The following MCU variants were observed in gnomAD, a reference collection of about 807,000 sequenced individuals.
MCU encodes mitochondrial calcium uniporter, also known as calcium uniporter protein, mitochondrial.
Under a neutral mutation model 45.2 loss-of-function variants are expected in MCU, and 12 were observed. The observed-to-expected ratio is 0.27, with a 90% CI of 0.17 to 0.43. MCU has a LOEUF of 0.43. Among genes scored for constraint, MCU ranks in the 20% least tolerant of loss-of-function variants. MCU has a pLI of 1.00. For missense variants in MCU, 324 were observed against 436.7 expected, an observed-to-expected ratio of 0.74 and a Z score of 2.30; for synonymous variants, 160 against 165.1, an observed-to-expected ratio of 0.97 and a Z score of 0.24.
intron 1 of MCU, among the ~76,000 whole-genome samples, chr10:72,805,163 C>CTTTCTG (rs1187966928): frequency 8.2e-4 from 111 of 134,680 alleles, no homozygotes; most frequent in Admixed American, 7.3e-3. Flanking sequence ...TTCTTTCTGT[C>CTTTCTG]TCTCTCTCTC....
intron 2 of MCU, among the ~76,000 whole-genome samples, chr10:72,843,862 T>C (rs1042051744): frequency 6.6e-6 from 1 of 152,220 alleles, no homozygotes; most frequent in Non-Finnish European, 1.5e-5. Flanking sequence ...ATTTTTCTTC[T>C]CTTGACATTT....
intron 1 of MCU, among the ~76,000 whole-genome samples, chr10:72,802,428 G>C (rs1052583380): frequency 7.7e-6 from 1 of 129,924 alleles, no homozygotes; most frequent in African/African-American, 2.8e-5. Flanking sequence ...AAAAAAAAAA[G>C]ATGAGTGACT....
intron 1 of MCU, among the ~76,000 whole-genome samples, chr10:72,748,425 T>G (rs58484948): frequency 0.11 from 16,769 of 152,102 alleles, 3,079 homozygotes; most frequent in African/African-American, 0.38. Flanking sequence ...AACAGTGTAG[T>G]TCTGCATTTT....
At chr10:72,763,989 A>AT (rs1225355234) in intron 1 of MCU, among the ~76,000 whole-genome samples, 3 of 151,786 alleles carry the variant, frequency 2.0e-5, no homozygotes, top group South Asian at 4.2e-4. Context: ...CTAAATTTCT[A>AT]TTTTTTTTCT....
intron 2 of MCU, among the ~76,000 whole-genome samples, chr10:72,850,480 G>T (rs1031982644): frequency 6.6e-6 from 1 of 152,044 alleles, no homozygotes; most frequent in African/African-American, 2.4e-5. Context: ...TTTTAGTGGA[G>T]ATTTTACTCA....
chr10:72,703,615 A>G (rs1232631629), intron 1 of MCU, among the ~76,000 whole-genome samples: 3 of 152,184 alleles, frequency 2.0e-5, no homozygotes, highest in Admixed American at 6.5e-5. Flanking sequence ...ATAAAACTAA[A>G]GAAAAGTGGC....
At chr10:72,819,975 T>A (rs980579861) in intron 1 of MCU, among the ~76,000 whole-genome samples, 3 of 152,172 alleles carry the variant, frequency 2.0e-5, no homozygotes, top group Admixed American at 2.0e-4. Flanking sequence ...AAATACATTT[T>A]ACCCATTGAA....
chr10:72,717,911 A>C (rs945724326), intron 1 of MCU, among the ~76,000 whole-genome samples: 9 of 152,192 alleles, frequency 5.9e-5, no homozygotes, highest in African/African-American at 2.2e-4. Flanking sequence ...TAGATTTACA[A>C]AAAAATGGCA....
chr10:72,794,309 TA>T (rs770522191), intron 1 of MCU, among the ~76,000 whole-genome samples: 1 of 152,094 alleles, frequency 6.6e-6, no homozygotes, highest in Non-Finnish European at 1.5e-5. Context: ...CCCATTCAAA[TA>T]GGGGGAAAAC....
chr10:72,763,645 T>C (rs1843686245), intron 1 of MCU, among the ~76,000 whole-genome samples: 1 of 152,154 alleles, frequency 6.6e-6, no homozygotes, highest in South Asian at 2.1e-4. Context: ...GTTTATCCTG[T>C]AGACAGTGGC....
chr10:72,738,238 G>A (rs186751588), intron 1 of MCU, among the ~76,000 whole-genome samples: 2 of 152,186 alleles, frequency 1.3e-5, no homozygotes, highest in African/African-American at 4.8e-5. Flanking sequence ...AGTATCCTGG[G>A]GGCTCTGAGA....
At chr10:72,753,278 G>A (rs1344164960) in intron 1 of MCU, among the ~76,000 whole-genome samples, 2 of 152,106 alleles carry the variant, frequency 1.3e-5, no homozygotes, top group Non-Finnish European at 2.9e-5. Flanking sequence ...AATTTTAAAT[G>A]AGTTAATACC....
At position 72,831,110 on chromosome 10, in the gene MCU, A is replaced by G. The variant is rs77349120; in HGVS notation, c.151-3249A>G. Among the ~76,000 whole-genome samples, 12 of 152,332 alleles carry G rather than the reference A, an allele frequency of 7.9e-5. No homozygotes were observed. In the East Asian group the frequency reaches 2.3e-3, roughly 29 times the overall value. On this transcript the variant is annotated intron_variant, in intron 1 of 7. Coordinates refer to ENST00000373053, the MANE Select transcript of MCU (RefSeq NM_138357.3). Reference sequence around the variant, plus strand: ...GATCTATAGCATTAAGACTAAAACAAATGTGGAAATTAGATTTACAGAGAA... The same window carrying G: ...GATCTATAGCATTAAGACTAAAACAGATGTGGAAATTAGATTTACAGAGAA...
intron 1 of MCU, among the ~76,000 whole-genome samples, chr10:72,791,583 C>T (rs945097851): frequency 1.1e-4 from 16 of 152,138 alleles, no homozygotes; most frequent in Admixed American, 8.5e-4. Context: ...TGAGTTATAT[C>T]GCTTGTGTAG....
At chr10:72,806,738 G>T (rs901315908) in intron 1 of MCU, among the ~76,000 whole-genome samples, 4 of 152,210 alleles carry the variant, frequency 2.6e-5, no homozygotes, top group Non-Finnish European at 4.4e-5. Context: ...AGCTACTTTA[G>T]ATTGAATGGA....
At chr10:72,820,732 G>A (rs1300173251) in intron 1 of MCU, among the ~76,000 whole-genome samples, 3 of 152,016 alleles carry the variant, frequency 2.0e-5, no homozygotes, top group African/African-American at 7.2e-5. Context: ...GGCTGGTCTC[G>A]AACTCCTGAC....
chr10:72,874,675 T>C (rs917414980), intron 6 of MCU, among the ~76,000 whole-genome samples: 4 of 152,242 alleles, frequency 2.6e-5, no homozygotes, highest in African/African-American at 7.2e-5. Context: ...CATGTCTGGC[T>C]CATACTAGTC....
chr10:72,869,190 T>G (rs935648034), intron 5 of MCU, among the ~76,000 whole-genome samples: 9 of 152,218 alleles, frequency 5.9e-5, no homozygotes, highest in Admixed American at 6.5e-5. Context: ...TTAGCCAAGT[T>G]AAGAATGAAT....
At chr10:72,794,678 C>T (rs779012733) in intron 1 of MCU, among the ~76,000 whole-genome samples, 43 of 152,012 alleles carry the variant, frequency 2.8e-4, no homozygotes, top group Non-Finnish European at 4.9e-4. Flanking sequence ...TTAGACAGAC[C>T]GACACCCCCA....
Sources: allele counts gnomAD v4.1 joint callset (sites outside exome capture counted in the v4.1 genomes callset), GRCh38; gene constraint gnomAD v4.1.1; transcripts MANE v1.5; gene names NCBI Gene and HGNC (gene_info 2026-07-23, HGNC 2026-07-21).